Variants in CDK14 observed in about 807,000 individuals in gnomAD.
CDK14 encodes cyclin-dependent kinase 14.
Under a neutral mutation model 60.7 loss-of-function variants are expected in CDK14, and 34 were observed. The ratio of observed to expected loss-of-function variants is 0.56; its 90% CI spans 0.43 to 0.75. CDK14 has a LOEUF of 0.75. Ranked by LOEUF, CDK14 falls within the 30% of genes least tolerant of loss-of-function variation. The pLI is 0.00. For missense variants in CDK14, 482 were observed against 564.1 expected (o/e 0.85, Z 1.47); for synonymous variants, 197 against 203.7 (o/e 0.97, Z 0.28).
intron 2 of CDK14, among the ~76,000 whole-genome samples, chr7:90,647,727 A>G (rs939594192): frequency 2.0e-5 from 3 of 152,194 alleles, no homozygotes; most frequent in Non-Finnish European, 4.4e-5. Flanking sequence ...GCAGTAGCTC[A>G]TGCCTGTAAT....
chr7:90,813,302 A>G (rs942839845), intron 5 of CDK14, among the ~76,000 whole-genome samples: 4 of 152,200 alleles, frequency 2.6e-5, no homozygotes, highest in African/African-American at 9.7e-5. Flanking sequence ...GAACTGTTAC[A>G]ACTCTCTGGT....
chr7:90,695,596 T>A (rs1488230378), intron 2 of CDK14, among the ~76,000 whole-genome samples: 5 of 152,098 alleles, frequency 3.3e-5, no homozygotes, highest in African/African-American at 1.2e-4. Flanking sequence ...AGGCTGAATT[T>A]CTGAGGAATA....
chr7:90,663,375 G>A (rs1800903411), intron 2 of CDK14, among the ~76,000 whole-genome samples: 2 of 152,168 alleles, frequency 1.3e-5, no homozygotes, highest in Admixed American at 6.5e-5. Context: ...GTAAGGAACT[G>A]CTGATGTTAA....
At chr7:90,730,227 T>C (rs1802809219) in intron 3 of CDK14, among the ~76,000 whole-genome samples, 2 of 152,224 alleles carry the variant, frequency 1.3e-5, no homozygotes, top group Non-Finnish European at 2.9e-5. Context: ...GGTGTATATG[T>C]GCCACATTTT....
intron 3 of CDK14, among the ~76,000 whole-genome samples, chr7:90,746,536 A>G (rs1217748399): frequency 6.6e-6 from 1 of 152,212 alleles, no homozygotes; most frequent in Non-Finnish European, 1.5e-5. Flanking sequence ...TATTGGAATA[A>G]ATCTCTTTAA....
At chr7:90,667,558 T>A in intron 2 of CDK14, among the ~76,000 whole-genome samples, 1 of 152,122 alleles carries the variant, frequency 6.6e-6, no homozygotes, top group Admixed American at 6.6e-5. Context: ...TCATCCATGT[T>A]GTAGCATGTA....
At chr7:90,673,675 C>T (rs983387312) in intron 2 of CDK14, among the ~76,000 whole-genome samples, 2 of 152,198 alleles carry the variant, frequency 1.3e-5, no homozygotes, top group African/African-American at 2.4e-5. Context: ...TTCCAACACA[C>T]ATCATTACCC....
At chr7:91,189,046 C>T (rs1802274315) in intron 14 of CDK14, among the ~76,000 whole-genome samples, 1 of 152,042 alleles carries the variant, frequency 6.6e-6, no homozygotes, top group African/African-American at 2.4e-5. Context: ...TATCTTTTTC[C>T]TCTTCGTCAT....
intron 11 of CDK14, among the ~76,000 whole-genome samples, chr7:91,057,869 G>A (rs1225079164): frequency 3.3e-5 from 5 of 152,122 alleles, no homozygotes; most frequent in African/African-American, 1.2e-4. Flanking sequence ...TTTTGGCTTA[G>A]GATTGACTTG....
intron 14 of CDK14, among the ~76,000 whole-genome samples, chr7:91,167,775 A>G (rs1163516463): frequency 6.6e-6 from 1 of 152,098 alleles, no homozygotes; most frequent in Non-Finnish European, 1.5e-5. Flanking sequence ...AAATCACTTA[A>G]CCTCTTAGGA....
chr7:90,739,056 G>A (rs746638851), intron 3 of CDK14, among the ~76,000 whole-genome samples: 10 of 152,068 alleles, frequency 6.6e-5, no homozygotes, highest in Non-Finnish European at 1.5e-4. Flanking sequence ...CTCTCAAAGC[G>A]GAGACTGTCT....
intron 2 of CDK14, among the ~76,000 whole-genome samples, chr7:90,649,999 G>A (rs140544357): frequency 9.9e-5 from 15 of 152,230 alleles, no homozygotes; most frequent in African/African-American, 3.6e-4. Flanking sequence ...GGGTCAAAAG[G>A]TATTTCTAGT....
intron 2 of CDK14, 86 bp from the exon 3 acceptor site, chr7:90,726,481 C>T: frequency 2.1e-6 from 3 of 1,408,022 alleles, no homozygotes; most frequent in Non-Finnish European, 2.9e-6. Flanking sequence ...CTGAAATTGG[C>T]ATGCTTTCTA....
intron 2 of CDK14, among the ~76,000 whole-genome samples, chr7:90,660,859 C>T (rs1460052053): frequency 6.6e-6 from 1 of 152,180 alleles, no homozygotes; most frequent in East Asian, 1.9e-4. Flanking sequence ...ATTTGGCCCT[C>T]CCATGGAAAT....
intron 3 of CDK14, among the ~76,000 whole-genome samples, chr7:90,735,279 C>T (rs749129461): frequency 3.9e-5 from 6 of 152,184 alleles, no homozygotes; most frequent in Non-Finnish European, 7.4e-5. Context: ...AGTCAGGATA[C>T]ATGGGGTTCA....
At chr7:90,813,110 A>G (rs759273887) in intron 5 of CDK14, among the ~76,000 whole-genome samples, 1 of 152,232 alleles carries the variant, frequency 6.6e-6, no homozygotes, top group Non-Finnish European at 1.5e-5. Context: ...TTTGAACCTC[A>G]TAAACACTGT....
intron 5 of CDK14, among the ~76,000 whole-genome samples, chr7:90,852,901 G>A (rs1391390685): frequency 6.6e-6 from 1 of 152,180 alleles, no homozygotes; most frequent in African/African-American, 2.4e-5. Flanking sequence ...CACAGGCTCT[G>A]GGACTGTGGG....
At chr7:90,923,348 A>G (rs28464918) in intron 8 of CDK14, among the ~76,000 whole-genome samples, 11,347 of 152,132 alleles carry the variant, frequency 0.075, 498 homozygotes, top group East Asian at 0.19. Context: ...TGACCTCGTG[A>G]TCTGCCCATT....
At chr7:91,088,644 G>A (rs1012335270) in intron 12 of CDK14, among the ~76,000 whole-genome samples, 2 of 151,044 alleles carry the variant, frequency 1.3e-5, no homozygotes, top group African/African-American at 4.9e-5. Flanking sequence ...AATATTAAAG[G>A]GATCAATATT....
Sources: allele counts gnomAD v4.1 joint callset (sites outside exome capture counted in the v4.1 genomes callset), GRCh38; gene constraint gnomAD v4.1.1; transcripts MANE v1.5; gene names NCBI Gene and HGNC (gene_info 2026-07-23, HGNC 2026-07-21).